Variants in CAMTA1 observed in about 807,000 individuals in gnomAD.
CAMTA1 encodes calmodulin-binding transcription activator 1.
A neutral mutation model predicts 170.9 loss-of-function variants in CAMTA1; 27 were observed. That is an observed-to-expected ratio of 0.16 (90% confidence interval 0.12 to 0.22). The LOEUF (loss-of-function observed/expected upper bound fraction) is 0.22. Ranked by LOEUF, CAMTA1 falls within the 10% of genes least tolerant of loss-of-function variation. The pLI is 1.00. For synonymous variants in CAMTA1, 833 were observed against 891.5 expected, an observed-to-expected ratio of 0.93 and a Z score of 1.17; for missense variants, 1,619 against 2,217.2, an observed-to-expected ratio of 0.73 and a Z score of 5.42.
intron 4 of CAMTA1, among the ~76,000 whole-genome samples, chr1:7,204,830 C>CTTTTTTTTTTTTTTTTTTT (rs367812076): frequency 2.3e-5 from 2 of 86,804 alleles, no homozygotes; most frequent in East Asian, 3.3e-4. Flanking sequence ...TTCTTTTTTT[C>CTTTTTTTTTTTTTTTTTTT]TTTTTTTTTT....
At chr1:7,498,205 T>TGTGTGTGA (rs1557817341) in intron 6 of CAMTA1, among the ~76,000 whole-genome samples, 3 of 151,756 alleles carry the variant, frequency 2.0e-5, no homozygotes, top group African/African-American at 7.3e-5. Context: ...TGTGTGTGTG[T>TGTGTGTGA]GACAGTGTGG....
chr1:7,705,765 A>G lies in CAMTA1; in HGVS notation c.2915-26683A>G, dbSNP rs896597615. Among the ~76,000 whole-genome samples the G allele has an allele frequency of 9.2e-4, 140 of 152,160 alleles. 4 individuals carry two copies. Among genetic ancestry groups the G allele is most frequent in the Non-Finnish European group, 2.5e-4 (17 of 68,034 alleles). Reference sequence around the variant, plus strand: ...GGGGGACTGTCTCTAACTACAGACCAGGGGAGCGGAGGGACGCTCGATTCA... The same window carrying G: ...GGGGGACTGTCTCTAACTACAGACCGGGGGAGCGGAGGGACGCTCGATTCA... On this transcript the variant is annotated intron_variant, in intron 11 of 22. Transcript: ENST00000303635.
chr1:7,654,803 ACAC>A lies in CAMTA1; in HGVS notation c.665-6921_665-6919del, dbSNP rs1480065689. On this transcript the variant is annotated intron_variant, in intron 7 of 22. Coordinates refer to ENST00000303635, the MANE Select transcript of CAMTA1 (RefSeq NM_015215.4). Reference sequence around the variant, plus strand: ...CACCTATACCCACACACCTATACACACACCCACACACACCACACACACCCCTAT... The same window carrying A: ...CACCTATACCCACACACCTATACACACCACACACACCACACACACCCCTAT... Among the ~76,000 whole-genome samples the A allele has an allele frequency of 2.2e-3, 65 of 29,948 alleles. 1 individual carries two copies. Among genetic ancestry groups the A allele is most frequent in the Non-Finnish European group, 8.5e-4 (6 of 7,088 alleles). The allele number at this position is 29,948 out of a possible 152,430, so 19.6% of individuals were successfully genotyped here.
intron 5 of CAMTA1, among the ~76,000 whole-genome samples, chr1:7,340,924 G>C (rs924932045): frequency 7.2e-5 from 11 of 152,198 alleles, no homozygotes; most frequent in African/African-American, 2.7e-4. Context: ...AACCAAAGGA[G>C]TGAACGCCAT....
intron 5 of CAMTA1, among the ~76,000 whole-genome samples, chr1:7,419,525 C>G (rs1219995720): frequency 6.6e-6 from 1 of 152,146 alleles, no homozygotes; most frequent in African/African-American, 2.4e-5. Context: ...TCTGTCTGCA[C>G]ACAATCCCTA....
intron 6 of CAMTA1, among the ~76,000 whole-genome samples, chr1:7,509,029 G>A (rs925636839): frequency 5.3e-5 from 8 of 152,134 alleles, no homozygotes; most frequent in African/African-American, 1.4e-4. Context: ...CTCCCTTCCC[G>A]GGTCTGTCCT....
intron 11 of CAMTA1, among the ~76,000 whole-genome samples, chr1:7,699,955 T>G (rs2096420900): frequency 1.3e-5 from 2 of 152,340 alleles, no homozygotes; most frequent in South Asian, 4.1e-4. Context: ...GATTTGCAAA[T>G]ATTTTCTCCC....
At chr1:7,018,666 A>G (rs1700915864) in intron 3 of CAMTA1, among the ~76,000 whole-genome samples, 1 of 152,156 alleles carries the variant, frequency 6.6e-6, no homozygotes, top group Non-Finnish European at 1.5e-5. Context: ...GTTCTCGATA[A>G]CCGGAATCAG....
At chr1:7,182,496 G>GAA (rs1170643135) in intron 4 of CAMTA1, among the ~76,000 whole-genome samples, 3 of 98,414 alleles carry the variant, frequency 3.0e-5, no homozygotes, top group Non-Finnish European at 6.8e-5. Flanking sequence ...CCCCATCTCA[G>GAA]AAAAAAAAAA....
intron 4 of CAMTA1, among the ~76,000 whole-genome samples, chr1:7,137,289 G>T (rs1218846107): frequency 6.6e-6 from 1 of 152,104 alleles, no homozygotes; most frequent in Non-Finnish European, 1.5e-5. Context: ...CTCCTGAACT[G>T]TTGGTAGAGC....
chr1:7,305,716 AG>A (rs1292653359), intron 5 of CAMTA1, among the ~76,000 whole-genome samples: 1 of 146,270 alleles, frequency 6.8e-6, no homozygotes, highest in African/African-American at 2.4e-5. Context: ...TCATGTAAAC[AG>A]TTTTCATTTC....
At chr1:7,193,953 T>G (rs908977330) in intron 4 of CAMTA1, among the ~76,000 whole-genome samples, 2 of 152,184 alleles carry the variant, frequency 1.3e-5, no homozygotes, top group Non-Finnish European at 2.9e-5. Flanking sequence ...AACAGAACAG[T>G]GGTAACCTAT....
intron 4 of CAMTA1, among the ~76,000 whole-genome samples, chr1:7,110,305 T>C (rs929059367): frequency 4.6e-5 from 7 of 152,122 alleles, no homozygotes; most frequent in Non-Finnish European, 8.8e-5. Context: ...TTTCTTTTCC[T>C]GAAGGGCTAG....
At chr1:7,469,917 C>A (rs113653439) in intron 6 of CAMTA1, among the ~76,000 whole-genome samples, 1 of 152,222 alleles carries the variant, frequency 6.6e-6, no homozygotes, top group South Asian at 2.1e-4. Context: ...TCTGCCCCAG[C>A]CCTCCCTCAC....
In CAMTA1 at chr1:7,641,949, C is replaced by G. The variant is rs80050844; in HGVS notation, c.664+1396C>G. Among the ~76,000 whole-genome samples the G allele has an allele frequency of 4.6e-5, 7 of 152,162 alleles. No homozygotes were observed. The East Asian group carries it at 1.4e-3, about 29-fold the overall frequency. Reference sequence around the variant, plus strand: ...GCTCCTGAGCACAGCCTGCAGCCCCCCCACCCGCAGCCCCCGGCCTCTGCA... The same window carrying G: ...GCTCCTGAGCACAGCCTGCAGCCCCGCCACCCGCAGCCCCCGGCCTCTGCA... On this transcript the variant is annotated intron_variant, in intron 7 of 22. Transcript: ENST00000303635. The surrounding 1 kb of genome is among the most constrained non-coding windows in gnomAD (Gnocchi z 4.5).
chr1:7,619,089 A>G (rs541253892), intron 6 of CAMTA1, among the ~76,000 whole-genome samples: 3 of 152,310 alleles, frequency 2.0e-5, no homozygotes, highest in South Asian at 4.1e-4. Flanking sequence ...AGTTCACCCA[A>G]TGTGAGAGAG....
intron 19 of CAMTA1, among the ~76,000 whole-genome samples, chr1:7,750,090 G>T (rs2096885434): frequency 6.6e-6 from 1 of 152,186 alleles, no homozygotes; most frequent in South Asian, 2.1e-4. Context: ...GCTTCACTGT[G>T]GCCCGATGGG....
intron 4 of CAMTA1, among the ~76,000 whole-genome samples, chr1:7,154,821 G>C (rs983284450): frequency 3.9e-5 from 6 of 152,186 alleles, no homozygotes; most frequent in African/African-American, 1.4e-4. Context: ...GGAGTTAAAA[G>C]GTGATATTCT....
chr1:7,065,257 C>T lies in CAMTA1; in HGVS notation c.235-26047C>T, dbSNP rs954822316. 6.6e-6 allele frequency among the ~76,000 whole-genome samples: 1 copy of T among 151,918 alleles called. No individual in the cohort carries two copies. Among genetic ancestry groups the T allele is most frequent in the Non-Finnish European group, 1.5e-5 (1 of 67,976 alleles). On this transcript the variant is annotated intron_variant, in intron 3 of 22. Coordinates refer to ENST00000303635, the MANE Select transcript of CAMTA1 (RefSeq NM_015215.4). The surrounding 1 kb of genome is among the most constrained non-coding windows in gnomAD (Gnocchi z 5.2). ...GAAGGAGGAGGAGATGGTGATGGGG[C>T]AGAGGAGAAGGGGGAACCAGTTGTT... is the stretch of plus-strand genomic sequence containing the variant.
Sources: allele counts gnomAD v4.1 joint callset (sites outside exome capture counted in the v4.1 genomes callset), GRCh38; gene constraint gnomAD v4.1.1; non-coding constraint Gnocchi (gnomAD v3.1); transcripts MANE v1.5; gene names NCBI Gene and HGNC (gene_info 2026-07-23, HGNC 2026-07-21).